The following STXBP5L variants were observed in gnomAD, a reference collection of about 807,000 sequenced individuals.
STXBP5L encodes the protein syntaxin-binding protein 5-like.
STXBP5L carries 65 observed loss-of-function variants against 144.5 expected under a neutral mutation model. The observed-to-expected ratio is 0.45, with a 90% confidence interval of 0.37 to 0.55. STXBP5L has a LOEUF of 0.55. STXBP5L is among the 20% of genes least tolerant of loss of function. STXBP5L has a pLI of 0.00. For synonymous variants in STXBP5L, 505 were observed against 469.6 expected (o/e 1.08, Z -0.97); for missense variants, 1,298 against 1,405.5 (o/e 0.92, Z 1.22).
chr3:121,052,875 G>T (rs958099058), intron 5 of STXBP5L, among the ~76,000 whole-genome samples: 1 of 152,148 alleles, frequency 6.6e-6, no homozygotes, highest in African/African-American at 2.4e-5. Flanking sequence ...ATCTCCTTAA[G>T]CTGATAAGCA....
intron 14 of STXBP5L, among the ~76,000 whole-genome samples, chr3:121,243,282 C>T (rs2049729418): frequency 6.6e-6 from 1 of 152,000 alleles, no homozygotes; most frequent in African/African-American, 2.4e-5. Context: ...GTATTTCAGA[C>T]AGATACTAGA....
intron 21 of STXBP5L, among the ~76,000 whole-genome samples, chr3:121,380,981 A>G (rs1330787393): frequency 6.6e-6 from 1 of 152,134 alleles, no homozygotes; most frequent in East Asian, 1.9e-4. Context: ...TATTTAGACT[A>G]AATCTTTTCT....
Position 121,415,462 on chromosome 3 carries a change from T to C in STXBP5L, c.3115-395T>C, listed in dbSNP as rs113702999. Among the ~76,000 whole-genome samples the C allele has an allele frequency of 9.9e-3, 1,500 of 152,258 alleles. 18 individuals are homozygous for C. The highest frequency in any genetic ancestry group is 0.033 in the African/African-American group (1,391 of 41,538). The stretch of plus-strand genomic sequence containing the variant: ...CCAACCTTCCACATACCACCAAAGC[T>C]GTCCTATTTCATAGGGCAGTCTATG... On this transcript the variant is annotated intron_variant, in intron 24 of 26. Coordinates refer to ENST00000471454, the MANE Select transcript of STXBP5L (RefSeq NM_001308330.2).
chr3:121,023,975 G>T (rs1157187047), intron 3 of STXBP5L, among the ~76,000 whole-genome samples: 1 of 152,038 alleles, frequency 6.6e-6, no homozygotes, highest in Non-Finnish European at 1.5e-5. Flanking sequence ...AGCCAGGATG[G>T]TCTCGATCTC....
chr3:120,955,225 T>C (rs1407120987), intron 3 of STXBP5L, among the ~76,000 whole-genome samples, 188 bp downstream of exon 3: 1 of 152,086 alleles, frequency 6.6e-6, no homozygotes, highest in Non-Finnish European at 1.5e-5. Context: ...TCAGTATTGA[T>C]GTCTCTTCTT....
At chr3:121,024,238 A>G (rs1250052001) in intron 3 of STXBP5L, among the ~76,000 whole-genome samples, 1 of 152,166 alleles carries the variant, frequency 6.6e-6, no homozygotes, top group Non-Finnish European at 1.5e-5. Context: ...AAAACAACCT[A>G]ATTTAAACAT....
At chr3:120,983,325 T>G (rs1032028148) in intron 3 of STXBP5L, among the ~76,000 whole-genome samples, 2 of 152,078 alleles carry the variant, frequency 1.3e-5, no homozygotes, top group African/African-American at 2.4e-5. Context: ...CGTCTCTCAG[T>G]GGGATCAGCA....
intron 18 of STXBP5L, among the ~76,000 whole-genome samples, chr3:121,275,373 CA>C (rs1352155389): frequency 6.6e-6 from 1 of 152,108 alleles, no homozygotes; most frequent in Admixed American, 6.5e-5. Context: ...AACCATTAAG[CA>C]AGGTACATCT....
intron 20 of STXBP5L, among the ~76,000 whole-genome samples, chr3:121,335,010 C>T (rs2044455141): frequency 6.6e-6 from 1 of 152,130 alleles, no homozygotes; most frequent in Non-Finnish European, 1.5e-5. Flanking sequence ...GAGAGAAAGT[C>T]AAACAATTCC....
Position 121,259,157 on chromosome 3 carries a change from A to G in STXBP5L, c.1947A>G (p.Ser649=). 6.4e-7 allele frequency: 1 copy of G among 1,565,862 alleles called. No homozygotes were observed. Among genetic ancestry groups the G allele is most frequent in the South Asian group, 1.2e-5 (1 of 80,464 alleles). The stretch of plus-strand genomic sequence containing the variant: ...AGATTACTAGTCTTGCTGTAAGCTC[A>G]GCATATGGAATGTAAGTAATTAAAC... ...PQQITSLAVS[S]AYGIVAFGNC... The change falls in exon 18 of 27, where the codon TCA becomes TCG. Residue 649 remains serine, a synonymous_variant. Transcript: ENST00000471454.
chr3:121,216,082 G>T (rs1437875467), intron 10 of STXBP5L, among the ~76,000 whole-genome samples: 1 of 152,110 alleles, frequency 6.6e-6, no homozygotes, highest in African/African-American at 2.4e-5. Flanking sequence ...ATTCTAGTTA[G>T]TAGTTCCTCT....
At chr3:121,409,032 G>A (rs559652249) in intron 23 of STXBP5L, among the ~76,000 whole-genome samples, 97 of 151,952 alleles carry the variant, frequency 6.4e-4, no homozygotes, top group Middle Eastern at 6.8e-3. Context: ...GGTGTTATAA[G>A]CCATCCAGCA....
At chr3:121,233,994 T>C (rs1248060762) in intron 12 of STXBP5L, among the ~76,000 whole-genome samples, 1 of 152,160 alleles carries the variant, frequency 6.6e-6, no homozygotes, top group Non-Finnish European at 1.5e-5. Flanking sequence ...ACTTGTACAA[T>C]GTGATAGCTG....
intron 3 of STXBP5L, among the ~76,000 whole-genome samples, chr3:120,988,621 G>T (rs1053635423): frequency 6.6e-6 from 1 of 152,070 alleles, no homozygotes; most frequent in African/African-American, 2.4e-5. Flanking sequence ...AATAGATACT[G>T]TTGGTTGATT....
At chr3:120,943,790 T>C (rs1710693121) in intron 2 of STXBP5L, among the ~76,000 whole-genome samples, 2 of 151,448 alleles carry the variant, frequency 1.3e-5, no homozygotes, top group Admixed American at 1.3e-4. Flanking sequence ...CTTTTCTGCC[T>C]TGGACCCAGG....
chr3:121,350,835 A>G (rs2045250101), intron 20 of STXBP5L, among the ~76,000 whole-genome samples: 1 of 151,826 alleles, frequency 6.6e-6, no homozygotes, highest in African/African-American at 2.4e-5. Context: ...ACTTCTCTCC[A>G]TTGGTTATTC....
intron 20 of STXBP5L, among the ~76,000 whole-genome samples, chr3:121,342,823 T>C (rs369678494): frequency 1.4e-4 from 21 of 148,086 alleles, no homozygotes; most frequent in African/African-American, 5.0e-4. Flanking sequence ...GCATGTGTCT[T>C]TATAGCAGCA....
intron 2 of STXBP5L, among the ~76,000 whole-genome samples, chr3:120,914,574 T>A (rs1204154958): frequency 6.6e-6 from 1 of 152,098 alleles, no homozygotes; most frequent in Non-Finnish European, 1.5e-5. Flanking sequence ...TTGAATACTA[T>A]CTCTTCCTCA....
At chr3:121,112,652 CG>C (rs1453929189) in intron 5 of STXBP5L, among the ~76,000 whole-genome samples, 1 of 151,442 alleles carries the variant, frequency 6.6e-6, no homozygotes, top group African/African-American at 2.4e-5. Context: ...AAGAGTTATT[CG>C]GTGAAGATTG....
Sources: allele counts gnomAD v4.1 joint callset (sites outside exome capture counted in the v4.1 genomes callset), GRCh38; gene constraint gnomAD v4.1.1; transcripts MANE v1.5; gene names NCBI Gene and HGNC (gene_info 2026-07-23, HGNC 2026-07-21).